APBA2: variants seen among roughly 807,000 people sequenced by gnomAD.
APBA2 encodes the protein amyloid-beta A4 precursor protein-binding family A member 2.
A neutral mutation model predicts 75.0 loss-of-function variants in APBA2; 30 were observed. The observed-to-expected ratio is 0.40, with a 90% CI of 0.30 to 0.54. APBA2 has a LOEUF of 0.54. Among genes scored for constraint, APBA2 ranks in the 20% least tolerant of loss-of-function variants. APBA2 has a pLI of 0.49. For missense variants in APBA2, 801 were observed against 1,016.1 expected, an observed-to-expected ratio of 0.79 and a Z score of 2.88; for synonymous variants, 444 against 409.6, an observed-to-expected ratio of 1.08 and a Z score of -1.01.
At chr15:28,945,676 C>T (rs942537896) in intron 2 of APBA2, among the ~76,000 whole-genome samples, 1 of 151,998 alleles carries the variant, frequency 6.6e-6, no homozygotes, top group Non-Finnish European at 1.5e-5. Flanking sequence ...CTGCCCCCCG[C>T]CTGGCTAATT....
At chr15:28,997,682 G>T (rs1212724725) in intron 3 of APBA2, among the ~76,000 whole-genome samples, 1 of 152,186 alleles carries the variant, frequency 6.6e-6, no homozygotes, top group East Asian at 1.9e-4. Context: ...GGAACCTGGG[G>T]TGTCATTACA....
chr15:28,894,969 C>T (rs979527608), intron 1 of APBA2, among the ~76,000 whole-genome samples: 7 of 152,138 alleles, frequency 4.6e-5, no homozygotes, highest in African/African-American at 1.7e-4. Context: ...GCTCCAGAGC[C>T]CGCTCCCTAT....
intron 13 of APBA2, chr15:29,108,595 G>A (rs1364114978): frequency 1.3e-6 from 1 of 752,976 alleles, no homozygotes; most frequent in African/African-American, 1.8e-5. Context: ...GCCAGGGCAT[G>A]GCCGTGGATT....
intron 3 of APBA2, among the ~76,000 whole-genome samples, chr15:29,034,280 A>G (rs1393332466): frequency 6.6e-6 from 1 of 152,144 alleles, no homozygotes; most frequent in Non-Finnish European, 1.5e-5. Flanking sequence ...TCCTGTCTCA[A>G]AGCCCCAACC....
intron 2 of APBA2, among the ~76,000 whole-genome samples, chr15:28,927,083 C>T (rs1441930119): frequency 1.3e-5 from 2 of 152,020 alleles, no homozygotes; most frequent in Non-Finnish European, 2.9e-5. Context: ...GTCTCGAACT[C>T]CTGACCTCAA....
chr15:29,034,681 C>T (rs2040655684), intron 3 of APBA2, among the ~76,000 whole-genome samples: 1 of 152,228 alleles, frequency 6.6e-6, no homozygotes, highest in African/African-American at 2.4e-5. Flanking sequence ...CTGTGAAGTG[C>T]ATATTCAGAA....
At chr15:28,969,745 T>C (rs546657844) in intron 2 of APBA2, among the ~76,000 whole-genome samples, 5 of 152,136 alleles carry the variant, frequency 3.3e-5, no homozygotes, top group African/African-American at 4.8e-5. Flanking sequence ...AGACTGAGGA[T>C]TGAAGGGGCC....
At chr15:28,938,973 T>C (rs1181667431) in intron 2 of APBA2, among the ~76,000 whole-genome samples, 3 of 152,224 alleles carry the variant, frequency 2.0e-5, no homozygotes, top group African/African-American at 4.8e-5. Flanking sequence ...CGTTTTCATC[T>C]TCCCAAAACT....
intron 3 of APBA2, among the ~76,000 whole-genome samples, chr15:29,047,566 G>A (rs945870020): frequency 6.6e-6 from 1 of 152,140 alleles, no homozygotes; most frequent in African/African-American, 2.4e-5. Context: ...GGTTTTTGGG[G>A]CCTCCCTGAT....
chr15:29,075,901 T>G (rs1260748012), intron 5 of APBA2, among the ~76,000 whole-genome samples, 154 bp from the exon 6 acceptor site: 5 of 152,202 alleles, frequency 3.3e-5, no homozygotes, highest in Admixed American at 2.0e-4. Context: ...GCAGACTGGT[T>G]TCCTGTATGG....
intron 2 of APBA2, among the ~76,000 whole-genome samples, chr15:28,933,975 A>G (rs1277202237): frequency 1.3e-5 from 2 of 151,788 alleles, no homozygotes; most frequent in African/African-American, 4.8e-5. Context: ...AAAGGGGGGC[A>G]TGGGCTGGAG....
In APBA2 at chr15:29,023,547, C is replaced by T. The variant is rs182714392; in HGVS notation, c.-41+27741C>T. On this transcript the variant is annotated intron_variant, in intron 3 of 14. Coordinates refer to ENST00000683413, the MANE Select transcript of APBA2 (RefSeq NM_001353788.2). The stretch of plus-strand genomic sequence containing the variant: ...CTTGGCTCACTGCAACCTCTGTCTC[C>T]GAGGTTCAAGCGATTCTCCTGCCTC... 2.8e-3 allele frequency among the ~76,000 whole-genome samples: 397 copies of T among 140,092 alleles called. 1 individual carries two copies. Among genetic ancestry groups the T allele is most frequent in the African/African-American group, 0.011 (382 of 35,914 alleles). The allele number at this position is 140,092 out of a possible 152,430, so 91.9% of individuals were successfully genotyped here. A position where few individuals can be genotyped will look rare whatever the true frequency, so the allele number is the denominator to read the frequency against.
intron 1 of APBA2, among the ~76,000 whole-genome samples, chr15:28,908,986 C>CTTTT (rs558056022): frequency 7.6e-6 from 1 of 131,874 alleles, no homozygotes; most frequent in Non-Finnish European, 1.6e-5. Flanking sequence ...ATTTTACTTC[C>CTTTT]TTTTTTTTTT....
At chr15:29,031,875 G>T (rs2040504622) in intron 3 of APBA2, among the ~76,000 whole-genome samples, 1 of 152,214 alleles carries the variant, frequency 6.6e-6, no homozygotes, top group African/African-American at 2.4e-5. Context: ...AAGTTCAGCT[G>T]GCTTCACCTC....
intron 2 of APBA2, among the ~76,000 whole-genome samples, chr15:28,940,160 A>T (rs1430057250): frequency 6.6e-6 from 1 of 151,996 alleles, no homozygotes; most frequent in Non-Finnish European, 1.5e-5. Context: ...GAGGACCTTG[A>T]CCAGGATTTT....
In APBA2 at chr15:28,886,013, G is replaced by GGGGCGC. The variant is rs1160923108; in HGVS notation, c.-469_-464dup. ...GGGTGAGGCGGAAGCGGCCGGGGCG[G>GGGGCGC]GGGCGCAGGCCCGGCAGCCGCAGGC... On this transcript the variant is annotated 5_prime_UTR_variant, in exon 1 of 15. Transcript: ENST00000683413. 1.3e-5 allele frequency: 2 copies of GGGGCGC among 149,934 alleles called. No individual in the cohort carries two copies. The highest frequency in any genetic ancestry group is 3.0e-5 in the Non-Finnish European group (2 of 67,312). 9.3% of individuals were successfully genotyped at this position (149,934 alleles called of 1,614,324 possible). A position where few individuals can be genotyped will look rare whatever the true frequency, so the allele number is the denominator to read the frequency against.
chr15:29,056,617 T>TCTCC (rs1173461111), intron 4 of APBA2, among the ~76,000 whole-genome samples: 32 of 41,638 alleles, frequency 7.7e-4, no homozygotes, highest in African/African-American at 3.1e-3. Context: ...TCCCTCCTTC[T>TCTCC]CTCCCTCCCT....
At position 29,113,892 on chromosome 15, in the gene APBA2, GA is replaced by G. The variant is rs1394319334; in HGVS notation, c.2055del (p.Gly687AlafsTer30). 1 of 1,612,212 alleles carries G rather than the reference GA, an allele frequency of 6.2e-7. No individual in the cohort carries two copies. The highest frequency in any genetic ancestry group is 8.5e-7 in the Non-Finnish European group (1 of 1,180,030). On this transcript the variant is annotated frameshift_variant, in exon 14 of 15. Coordinates refer to ENST00000683413, the MANE Select transcript of APBA2 (RefSeq NM_001353788.2). LOFTEE classifies it high-confidence loss of function. ...VQNGIICSLM[R>X]GGIAERGGVR... is the part of the protein sequence containing the mutation. ...TCTGCTTAGATCTGCAGCCTCATGA[GA>G]GGGGGCATTGCTGAGCGAGGGGGCG...
chr15:28,971,284 G>A (rs1228757350), intron 2 of APBA2, among the ~76,000 whole-genome samples: 2 of 152,174 alleles, frequency 1.3e-5, no homozygotes, highest in South Asian at 2.1e-4. Flanking sequence ...CACCAAATTA[G>A]AATCTCCCTG....
Sources: gnomAD v4.1 joint callset for allele counts (sites outside exome capture counted in the v4.1 genomes callset) on GRCh38, gnomAD v4.1.1 for gene constraint, MANE v1.5 for transcripts, NCBI Gene and HGNC (gene_info 2026-07-23, HGNC 2026-07-21) for gene names.